Variants in ACTR5 observed in about 807,000 individuals in gnomAD.
The protein encoded by ACTR5 is actin related protein 5.
In ACTR5, 43 loss-of-function variants were observed where a neutral mutation model predicts 61.2. The ratio of observed to expected loss-of-function variants is 0.70; its 90% confidence interval spans 0.55 to 0.91. The LOEUF (loss-of-function observed/expected upper bound fraction) is 0.91. Among genes scored for constraint, ACTR5 ranks in the 40% least tolerant of loss-of-function variants. ACTR5 has a pLI of 0.00. For synonymous variants in ACTR5, 333 were observed against 310.5 expected (o/e 1.07, Z -0.76); for missense variants, 798 against 782.2 (o/e 1.02, Z -0.24).
chr20:38,753,143 G>A (rs1207061131), intron 3 of ACTR5, among the ~76,000 whole-genome samples: 4 of 152,172 alleles, frequency 2.6e-5, no homozygotes, highest in African/African-American at 4.8e-5. Flanking sequence ...AGAAGACACG[G>A]CTGAGGCACA....
chr20:38,755,592 CCG>C (rs1210909231), intron 4 of ACTR5, among the ~76,000 whole-genome samples: 2 of 151,086 alleles, frequency 1.3e-5, no homozygotes, highest in Admixed American at 6.6e-5. Context: ...TTCACATCCC[CCG>C]CCCCACCAAA....
rs764779424 is a variant in ACTR5, at chr20:38,748,779, A to C, written c.301A>C (p.Asn101His). 2 of 1,608,424 alleles carry C rather than the reference A, an allele frequency of 1.2e-6. No individual in the cohort carries two copies. The highest frequency in any genetic ancestry group is 1.7e-6 in the Non-Finnish European group (2 of 1,178,744). ...GATGCTGCGCTCGCCCTTCGACCGC[A>C]ACGTGCCGGTCAACCTGGAGCTTCA... is the stretch of plus-strand genomic sequence containing the variant. ...RWMLRSPFDR[N>H]VPVNLELQEL... Residue 101 changes from asparagine to histidine, a missense_variant, in exon 1 of 9, where the codon AAC (asparagine) becomes CAC (histidine). Transcript: ENST00000243903.
At chr20:38,756,272 TCA>T (rs1475226385) in intron 5 of ACTR5, among the ~76,000 whole-genome samples, 1 of 152,196 alleles carries the variant, frequency 6.6e-6, no homozygotes, top group Non-Finnish European at 1.5e-5. Flanking sequence ...GGAAGAACAT[TCA>T]CACACCAAAC....
chr20:38,765,510 A>G lies in ACTR5; in HGVS notation c.1285A>G (p.Thr429Ala), dbSNP rs761735427. ...ETPGVEKPVT[T>A]VQPVFNLAAY... ...ACCTGGAGTGGAGAAGCCGGTCACC[A>G]CTGTTCAGGTTTGACTTCTACAGCC... Residue 429 changes from threonine (T) to alanine (A), a missense_variant, in exon 6 of 9, where the codon ACT (threonine) becomes GCT (alanine). Thr to Ala is a moderately conservative substitution (Grantham distance 58, BLOSUM62 0). Transcript: ENST00000243903. 35 of 1,613,660 alleles carry G rather than the reference A, an allele frequency of 2.2e-5. No individual in the cohort carries two copies. The highest frequency in any genetic ancestry group is 3.4e-6 in the Non-Finnish European group (4 of 1,179,680).
chr20:38,765,031 C>T (rs1157764510), intron 5 of ACTR5, among the ~76,000 whole-genome samples: 1 of 152,158 alleles, frequency 6.6e-6, no homozygotes, highest in Non-Finnish European at 1.5e-5. Flanking sequence ...AGTCTAGCTG[C>T]CTTGTAGGAT....
chr20:38,750,975 A>G (rs956910714), intron 2 of ACTR5, among the ~76,000 whole-genome samples: 1 of 152,214 alleles, frequency 6.6e-6, no homozygotes, highest in Non-Finnish European at 1.5e-5. Context: ...TTTCAGGTAC[A>G]GTGCCTGGCA....
chr20:38,753,269 G>A (rs2084397940), intron 3 of ACTR5, among the ~76,000 whole-genome samples: 1 of 152,004 alleles, frequency 6.6e-6, no homozygotes, highest in Non-Finnish European at 1.5e-5. Flanking sequence ...AGAGCATGAG[G>A]GAATTTTTTG....
chr20:38,765,857 T>C (rs1466115612), intron 6 of ACTR5, among the ~76,000 whole-genome samples: 2 of 152,194 alleles, frequency 1.3e-5, no homozygotes, highest in African/African-American at 4.8e-5. Context: ...TTTCTGTCAT[T>C]ACAATGCCAA....
At chr20:38,763,103 C>T (rs1343709179) in intron 5 of ACTR5, among the ~76,000 whole-genome samples, 1 of 152,194 alleles carries the variant, frequency 6.6e-6, no homozygotes. Context: ...CTTTAATATA[C>T]CTTTGGTTGC....
intron 5 of ACTR5, among the ~76,000 whole-genome samples, chr20:38,764,900 G>T (rs1294340044): frequency 6.6e-6 from 1 of 152,224 alleles, no homozygotes; most frequent in African/African-American, 2.4e-5. Flanking sequence ...AAACTCCTGG[G>T]CTCAAGGAGC....
chr20:38,752,527 A>G (rs1361725062), intron 3 of ACTR5, among the ~76,000 whole-genome samples: 1 of 152,152 alleles, frequency 6.6e-6, no homozygotes, highest in African/African-American at 2.4e-5. Context: ...GGAATTGCAC[A>G]ACTTTCAGCT....
Position 38,772,044 on chromosome 20 carries a change from C to G in ACTR5, c.*228C>G. On this transcript the variant is annotated 3_prime_UTR_variant, in exon 9 of 9. Coordinates refer to ENST00000243903, the MANE Select transcript of ACTR5 (RefSeq NM_024855.4). ...TAGAGACTAACTGGCCTTCTGATGT[C>G]TTTGTTCAACTGTGGCCAGCTGTGG... The G allele has an allele frequency of 6.9e-6, 4 of 579,402 alleles. No homozygotes were observed. The South Asian group carries it at 9.4e-5, about 14-fold the overall frequency. The allele number at this position is 579,402 out of a possible 1,614,324, so 35.9% of individuals were successfully genotyped here.
intron 2 of ACTR5, 77 bp downstream of exon 2, chr20:38,750,316 G>A: frequency 1.5e-6 from 2 of 1,305,962 alleles, no homozygotes; most frequent in African/African-American, 1.5e-5. Context: ...TGCTTTAAAG[G>A]CAGAGTAGAA....
At position 38,754,881 on chromosome 20, in the gene ACTR5, G is replaced by A. The variant is rs576733940; in HGVS notation, c.776-76G>A. The A allele has an allele frequency of 5.7e-5, 85 of 1,488,704 alleles. 1 individual carries two copies. The South Asian group carries it at 6.5e-4, about 11-fold the overall frequency. The allele number at this position is 1,488,704 out of a possible 1,614,324, so 92.2% of individuals were successfully genotyped here. ...TGGGATTACAGGCGTGAGCCCCTGC[G>A]CCCAGCTGGTATTGACTTTAATTGT... On this transcript the variant is annotated intron_variant, in intron 3 of 8. Transcript: ENST00000243903.
intron 5 of ACTR5, among the ~76,000 whole-genome samples, chr20:38,758,408 A>G (rs1216840981): frequency 3.3e-5 from 5 of 152,178 alleles, no homozygotes; most frequent in Non-Finnish European, 1.5e-5. Flanking sequence ...GCACTTTGGG[A>G]GGCCGAGGTG....
At chr20:38,751,065 A>G (rs1568633833) in intron 2 of ACTR5, among the ~76,000 whole-genome samples, 1 of 152,232 alleles carries the variant, frequency 6.6e-6, no homozygotes, top group Non-Finnish European at 1.5e-5. Context: ...ATCTGTTGCC[A>G]CTTTATCGTT....
rs930204981 is a variant in ACTR5 at position 38,771,655 on chromosome 20, A to G, written c.1663A>G (p.Lys555Glu). 1 of 1,614,138 alleles carries G rather than the reference A, an allele frequency of 6.2e-7. No individual in the cohort carries two copies. The change falls in exon 9 of 9, where the codon AAA (lysine) becomes GAA (glutamate). Residue 555 changes from lysine to glutamate, a missense_variant. Physicochemically the swap from Lys to Glu is moderately conservative, Grantham distance 56. Transcript: ENST00000243903. ...LDDNEVWITR[K>E]EYEEKGGEYL... Reference sequence around the variant, plus strand: ...TGATAATGAAGTTTGGATCACCAGGAAAGAGTATGAAGAAAAGGGAGGAGA... The same window carrying G: ...TGATAATGAAGTTTGGATCACCAGGGAAGAGTATGAAGAAAAGGGAGGAGA...
Position 38,748,693 on chromosome 20 carries a change from C to A in ACTR5, c.215C>A (p.Ala72Glu). The change falls in exon 1 of 9, where the codon GCA (alanine) becomes GAA (glutamate). Residue 72 changes from alanine to glutamate, a missense_variant. Ala to Glu is a moderately radical substitution (Grantham distance 107). Transcript: ENST00000243903. ...GTGTGCGCCCGCGGTCGTGGCGGGG[C>A]ACGGGGCGCGTCGGGCCCGCAGGTG... ...RAVCARGRGG[A>E]RGASGPQVGN... The A allele has an allele frequency of 6.6e-7, 1 of 1,520,570 alleles. No homozygotes were observed. 94.2% of individuals were successfully genotyped at this position (1,520,570 alleles called of 1,614,324 possible). A position where few individuals can be genotyped will look rare whatever the true frequency, so the allele number is the denominator to read the frequency against.
At chr20:38,756,965 G>T (rs1396159294) in intron 5 of ACTR5, among the ~76,000 whole-genome samples, 4 of 152,176 alleles carry the variant, frequency 2.6e-5, no homozygotes, top group African/African-American at 9.7e-5. Context: ...TCACTTTGTT[G>T]CCCAGTTAGA....
Sources: allele counts gnomAD v4.1 joint callset (sites outside exome capture counted in the v4.1 genomes callset), GRCh38; gene constraint gnomAD v4.1.1; transcripts MANE v1.5; gene names NCBI Gene and HGNC (gene_info 2026-07-23, HGNC 2026-07-21).